TMEM131: variants seen among roughly 807,000 people sequenced by gnomAD.
TMEM131 encodes the protein 2610524E03Rik.
In TMEM131, 66 loss-of-function variants were observed where a neutral mutation model predicts 211.6. That is an observed-to-expected ratio of 0.31 (90% confidence interval 0.26 to 0.38). The LOEUF is 0.38. Ranked by LOEUF, TMEM131 falls within the 10% of genes least tolerant of loss-of-function variation. The pLI is 1.00. For missense variants in TMEM131, 2,036 were observed against 2,299.3 expected (o/e 0.89, Z 2.34); for synonymous variants, 844 against 841.3 (o/e 1.00, Z -0.06).
At chr2:97,953,714 T>A (rs1271552285) in intron 1 of TMEM131, among the ~76,000 whole-genome samples, 1 of 152,164 alleles carries the variant, frequency 6.6e-6, no homozygotes, top group African/African-American at 2.4e-5. Flanking sequence ...TCATTCCCTT[T>A]AAGCTACCGT....
chr2:97,818,521 G>T (rs909477016), intron 12 of TMEM131, 92 bp downstream of exon 12: 1 of 642,988 alleles, frequency 1.6e-6, no homozygotes, highest in Non-Finnish European at 2.6e-6. Flanking sequence ...TGGTAAAACA[G>T]TTTGGATTTT....
chr2:97,962,200 G>T (rs1049729024), intron 1 of TMEM131, among the ~76,000 whole-genome samples: 1 of 151,976 alleles, frequency 6.6e-6, no homozygotes, highest in African/African-American at 2.4e-5. Context: ...CTCAAAAAAC[G>T]CTGCTTAAAA....
chr2:97,964,128 T>C (rs1405448351), intron 1 of TMEM131, among the ~76,000 whole-genome samples: 2 of 152,190 alleles, frequency 1.3e-5, no homozygotes, highest in African/African-American at 4.8e-5. Context: ...TACACACTTA[T>C]TACCACATAC....
chr2:97,817,131 C>T (rs540390724), intron 12 of TMEM131, among the ~76,000 whole-genome samples: 41 of 152,208 alleles, frequency 2.7e-4, no homozygotes, highest in Middle Eastern at 3.4e-3. Context: ...CTCAGAAGAA[C>T]CAACACTAAT....
intron 3 of TMEM131, among the ~76,000 whole-genome samples, chr2:97,889,863 C>G (rs566306447): frequency 3.9e-5 from 6 of 152,224 alleles, no homozygotes; most frequent in East Asian, 3.9e-4. Context: ...AGCACCTGCT[C>G]TCATGGCACT....
chr2:97,884,582 T>C (rs115493877), intron 4 of TMEM131, among the ~76,000 whole-genome samples: 5 of 152,232 alleles, frequency 3.3e-5, no homozygotes, highest in Admixed American at 2.0e-4. Context: ...TAATAGTTGC[T>C]TTTTATATCT....
At chr2:97,962,461 G>A (rs1402296122) in intron 1 of TMEM131, among the ~76,000 whole-genome samples, 2 of 152,062 alleles carry the variant, frequency 1.3e-5, no homozygotes, top group African/African-American at 2.4e-5. Context: ...CTGAGATAGC[G>A]CCACTGCACT....
intron 35 of TMEM131, chr2:97,764,380 CT>C (rs1432314342): frequency 1.3e-5 from 2 of 152,188 alleles, no homozygotes; most frequent in Non-Finnish European, 2.9e-5. Flanking sequence ...GGGACCGACT[CT>C]TCTGGGTTTC....
At chr2:97,773,778 T>C (rs946870160) in intron 32 of TMEM131, among the ~76,000 whole-genome samples, 4 of 152,098 alleles carry the variant, frequency 2.6e-5, no homozygotes, top group African/African-American at 9.7e-5. Flanking sequence ...AATTCTTGTA[T>C]TTTTTTGTAG....
Position 97,766,156 on chromosome 2 carries a change from G to C in TMEM131, c.4681C>G (p.Pro1561Ala). ...ACTGGAACGGAATCCCACTCCGGTG[G>C]AGGAGAGTCTTTTTCACCCTCTGAG... is the stretch of plus-strand genomic sequence containing the variant. Reference protein sequence around the residue: ...SSSEGEKDSPPPEWDSVPVHK... With the variant: ...SSSEGEKDSPAPEWDSVPVHK... The change falls in exon 35 of 41, where the codon CCA becomes GCA. Residue 1561 changes from proline to alanine, a missense_variant. Pro to Ala is a conservative substitution (Grantham distance 27). Coordinates refer to ENST00000186436, the MANE Select transcript of TMEM131 (RefSeq NM_015348.2). The C allele has an allele frequency of 6.2e-7, 1 of 1,614,048 alleles. No homozygotes were observed. The highest frequency in any genetic ancestry group is 8.5e-7 in the Non-Finnish European group (1 of 1,179,902).
At chr2:97,884,483 C>G (rs552140439) in intron 4 of TMEM131, among the ~76,000 whole-genome samples, 2 of 152,270 alleles carry the variant, frequency 1.3e-5, no homozygotes, top group African/African-American at 4.8e-5. Flanking sequence ...TGTTGATTTT[C>G]TGTCTAGATG....
At chr2:97,835,550 T>C (rs886151875) in intron 8 of TMEM131, among the ~76,000 whole-genome samples, 1 of 152,254 alleles carries the variant, frequency 6.6e-6, no homozygotes, top group African/African-American at 2.4e-5. Flanking sequence ...GTAATCTCTT[T>C]CCTGGTTTCA....
rs527546347 is a variant in TMEM131 at position 97,972,738 on chromosome 2, C to G, written c.187+22738G>C. On this transcript the variant is annotated intron_variant, in intron 1 of 40. Coordinates refer to ENST00000186436, the MANE Select transcript of TMEM131 (RefSeq NM_015348.2). Reference sequence around the variant, plus strand: ...TTATTCTGGGTTACCTAGGTGGGCCCAATGTCCTTAAAAGTGGAAGAGGGA... The same window carrying G: ...TTATTCTGGGTTACCTAGGTGGGCCGAATGTCCTTAAAAGTGGAAGAGGGA... 1.7e-4 allele frequency among the ~76,000 whole-genome samples: 26 copies of G among 152,104 alleles called. 1 individual carries two copies. In the South Asian group the frequency reaches 5.4e-3, roughly 32 times the overall value.
At position 97,917,022 on chromosome 2, in the gene TMEM131, C is replaced by T. The variant is rs371797702; in HGVS notation, c.250-8324G>A. On this transcript the variant is annotated intron_variant, in intron 2 of 40. Transcript: ENST00000186436. ...AAAACAAAAGATGAGTACTTCTAGG[C>T]CTCCTTACAAGTCAAAATCACAGCT... Among the ~76,000 whole-genome samples, 101 of 152,190 alleles carry T rather than the reference C, an allele frequency of 6.6e-4. 1 individual carries two copies. In the South Asian group the frequency reaches 0.018, roughly 27 times the overall value.
At chr2:97,808,676 T>C (rs568958582) in intron 19 of TMEM131, among the ~76,000 whole-genome samples, 6 of 152,204 alleles carry the variant, frequency 3.9e-5, no homozygotes, top group Admixed American at 2.0e-4. Flanking sequence ...AGAAACGATC[T>C]CTCATCCGTT....
At chr2:97,897,302 C>T (rs1297645325) in intron 3 of TMEM131, among the ~76,000 whole-genome samples, 1 of 151,994 alleles carries the variant, frequency 6.6e-6, no homozygotes, top group Non-Finnish European at 1.5e-5. Flanking sequence ...CTACCACATC[C>T]AGTACAATGT....
chr2:97,880,134 C>T (rs192845744), intron 4 of TMEM131, among the ~76,000 whole-genome samples: 1 of 152,084 alleles, frequency 6.6e-6, no homozygotes, highest in Non-Finnish European at 1.5e-5. Flanking sequence ...ATGAAAACTT[C>T]CATAAAAAAC....
chr2:97,782,209 A>G (rs1198711427), intron 31 of TMEM131, among the ~76,000 whole-genome samples: 1 of 152,222 alleles, frequency 6.6e-6, no homozygotes, highest in Non-Finnish European at 1.5e-5. Context: ...GTCAGCAAAG[A>G]CAACATGGGA....
At chr2:97,880,932 A>T (rs1230632590) in intron 4 of TMEM131, among the ~76,000 whole-genome samples, 2 of 152,222 alleles carry the variant, frequency 1.3e-5, no homozygotes, top group African/African-American at 4.8e-5. Flanking sequence ...ATAGGCAGGG[A>T]AAGATCTGAG....
Sources: gnomAD v4.1 joint callset for allele counts (sites outside exome capture counted in the v4.1 genomes callset) on GRCh38, gnomAD v4.1.1 for gene constraint, MANE v1.5 for transcripts, NCBI Gene and HGNC (gene_info 2026-07-23, HGNC 2026-07-21) for gene names.